The following ISOC1 variants were observed in gnomAD, a reference collection of about 807,000 sequenced individuals.
ISOC1 encodes isochorismatase domain containing 1.
Under a neutral mutation model 30.0 loss-of-function variants are expected in ISOC1, and 33 were observed. The observed-to-expected ratio is 1.10, with a 90% CI of 0.83 to 1.47. The LOEUF is 1.47. Among genes scored for constraint, ISOC1 ranks in the 40% most tolerant of loss-of-function variants. The probability of loss-of-function intolerance (pLI) is 0.00; values close to 1 mark genes in which losing one functional copy is unlikely to be tolerated. For missense variants in ISOC1, 372 were observed against 388.0 expected (o/e 0.96, Z 0.35); for synonymous variants, 178 against 159.8 (o/e 1.11, Z -0.86).
At chr5:129,098,972 C>G (rs924153709) in intron 1 of ISOC1, among the ~76,000 whole-genome samples, 17 of 152,052 alleles carry the variant, frequency 1.1e-4, no homozygotes, top group African/African-American at 3.6e-4. Flanking sequence ...ACCTTTGCCT[C>G]AGGAGCGTGG....
chr5:129,112,864 C>T lies in ISOC1; in HGVS notation c.760C>T (p.Arg254Ter), dbSNP rs751929656. ...DRMFALERLA[R>*]TGIIVTTSEA... is the part of the protein sequence containing the mutation. The stretch of plus-strand genomic sequence containing the variant: ...TATCTTTTTGTTCAAGCGTCTCGCT[C>T]GAACCGGGATCATAGTGACCACGAG... Residue 254 changes from arginine to a stop codon, truncating the protein, a stop_gained, in exon 5 of 5, where the codon CGA becomes TGA. Transcript: ENST00000173527. LOFTEE classifies it high-confidence loss of function. 46 of 1,612,136 alleles carry T rather than the reference C, an allele frequency of 2.9e-5. No individual in the cohort carries two copies. The highest frequency in any genetic ancestry group is 5.4e-5 in the African/African-American group (4 of 74,764).
intron 4 of ISOC1, 148 bp from the exon 5 acceptor site, chr5:129,112,707 A>T: frequency 1.3e-6 from 1 of 741,250 alleles, no homozygotes; most frequent in Non-Finnish European, 2.2e-6. Context: ...CTTGAAATCC[A>T]TCCCCATCAC....
Position 129,094,899 on chromosome 5 carries a change from G to C in ISOC1, c.133G>C (p.Ala45Pro). The change falls in exon 1 of 5, where the codon GCG becomes CCG. Residue 45 changes from alanine (A) to proline (P), a missense_variant. Transcript: ENST00000173527. The stretch of plus-strand genomic sequence containing the variant: ...GCGACCCTCGTCGGTGCCACACGGG[G>C]CGGGCTACGAGCTGCTCATCCAGAA... ...FARPSSVPHG[A>P]GYELLIQKFL... 6.2e-7 allele frequency: 1 copy of C among 1,610,882 alleles called. No individual in the cohort carries two copies. The highest frequency in any genetic ancestry group is 8.5e-7 in the Non-Finnish European group (1 of 1,179,440).
In ISOC1 at chr5:129,104,715, TATATC is replaced by T. The variant is rs72034513; in HGVS notation, c.310-235_310-231del. ...GTCATGTGAATGTGTTAAAATGTGT[TATATC>T]ATATCTGTATTGTTGGCTGGTTCAT... On this transcript the variant is annotated intron_variant, in intron 1 of 4. Coordinates refer to ENST00000173527, the MANE Select transcript of ISOC1 (RefSeq NM_016048.2). Among the ~76,000 whole-genome samples, 756 of 152,244 alleles carry T rather than the reference TATATC, an allele frequency of 5.0e-3. 4 individuals carry two copies. The highest frequency in any genetic ancestry group is 0.015 in the African/African-American group (630 of 41,562).
chr5:129,112,104 TATA>T (rs1337477139), intron 4 of ISOC1, among the ~76,000 whole-genome samples: 1 of 152,208 alleles, frequency 6.6e-6, no homozygotes, highest in Non-Finnish European at 1.5e-5. Flanking sequence ...TTTTAATTCT[TATA>T]GTAGTTTTAA....
chr5:129,097,960 C>G (rs536529863), intron 1 of ISOC1, among the ~76,000 whole-genome samples: 28 of 152,078 alleles, frequency 1.8e-4, no homozygotes, highest in African/African-American at 6.7e-4. Flanking sequence ...GATGGTTGGC[C>G]CCTTCTTGAA....
intron 3 of ISOC1, among the ~76,000 whole-genome samples, chr5:129,106,584 A>G (rs941715354): frequency 6.6e-6 from 1 of 152,228 alleles, no homozygotes; most frequent in African/African-American, 2.4e-5. Flanking sequence ...AGGGTGAATG[A>G]AGAAAAAAAC....
intron 1 of ISOC1, chr5:129,097,821 TGG>T (rs1561420914): frequency 2.6e-5 from 4 of 153,328 alleles, no homozygotes; most frequent in Non-Finnish European, 4.4e-5. Flanking sequence ...TTGAGCAGTC[TGG>T]AAAACAAGTC....
chr5:129,099,140 C>T (rs1376479979), intron 1 of ISOC1, among the ~76,000 whole-genome samples: 9 of 152,010 alleles, frequency 5.9e-5, no homozygotes, highest in African/African-American at 2.2e-4. Context: ...TTTGCTCCTT[C>T]TGAATACATT....
chr5:129,095,037 G>A lies in ISOC1; in HGVS notation c.271G>A (p.Glu91Lys), dbSNP rs1172896595. ...VDLPKGFAVSERCKVRLVPLQ... is the reference protein window; with the variant it reads ...VDLPKGFAVSKRCKVRLVPLQ... ...CTTGCCCAAGGGCTTCGCGGTGAGC[G>A]AGCGCTGCAAGGTGCGCCTCGTGCC... Residue 91 changes from glutamate to lysine, a missense_variant, in exon 1 of 5, where the codon GAG becomes AAG. Physicochemically the swap from Glu to Lys is moderately conservative, Grantham distance 56 (BLOSUM62 1). Transcript: ENST00000173527. The A allele has an allele frequency of 3.8e-6, 6 of 1,595,568 alleles. No individual in the cohort carries two copies. The highest frequency in any genetic ancestry group is 4.3e-6 in the Non-Finnish European group (5 of 1,174,176).
rs1395046305 is a variant in ISOC1, at chr5:129,105,263, G to T, written c.508G>T (p.Glu170Ter). ...YPKGLGSTVQ[E>*]IDLTGVKLVL... ...TAAAGGTCTTGGGAGCACGGTTCAA[G>T]AAATTGATTTAACAGGTGTAAAACT... Residue 170 changes from glutamate (E) to a stop codon, truncating the protein, a stop_gained, in exon 3 of 5, where the codon GAA becomes TAA. Coordinates refer to ENST00000173527, the MANE Select transcript of ISOC1 (RefSeq NM_016048.2). LOFTEE classifies it high-confidence loss of function. The T allele has an allele frequency of 1.2e-6, 2 of 1,613,732 alleles. No homozygotes were observed. Among genetic ancestry groups the T allele is most frequent in the African/African-American group, 1.3e-5 (1 of 74,876 alleles).
chr5:129,103,692 G>T (rs111316601), intron 1 of ISOC1, among the ~76,000 whole-genome samples: 1,537 of 152,256 alleles, frequency 0.01, 34 homozygotes, highest in African/African-American at 0.035. Flanking sequence ...GTCAACCCCT[G>T]CAGAGATACT....
intron 1 of ISOC1, among the ~76,000 whole-genome samples, chr5:129,096,960 G>T (rs1264762027): frequency 1.3e-5 from 2 of 152,116 alleles, no homozygotes; most frequent in African/African-American, 2.4e-5. Context: ...TGAAATGTAT[G>T]TACCTGAAAA....
At chr5:129,112,745 C>G in intron 4 of ISOC1, 110 bp from the exon 5 acceptor site, 3 of 1,210,056 alleles carry the variant, frequency 2.5e-6, no homozygotes, top group South Asian at 3.1e-5. Context: ...CTGGGAACCA[C>G]GGTTTCAGTA....
chr5:129,106,628 C>A (rs2097406149), intron 3 of ISOC1, among the ~76,000 whole-genome samples: 2 of 152,168 alleles, frequency 1.3e-5, no homozygotes, highest in Non-Finnish European at 2.9e-5. Context: ...GCTAGTAAAT[C>A]AGCTATGTGA....
intron 4 of ISOC1, 21 bp from the exon 5 acceptor site, chr5:129,112,834 G>A: frequency 6.2e-7 from 1 of 1,607,314 alleles, no homozygotes; most frequent in Admixed American, 1.7e-5. Context: ...TTCTTGATTT[G>A]CCTTTATCTT....
chr5:129,103,303 G>A (rs1214975868), intron 1 of ISOC1, among the ~76,000 whole-genome samples: 1 of 152,156 alleles, frequency 6.6e-6, no homozygotes, highest in Non-Finnish European at 1.5e-5. Context: ...TAAGATCCTA[G>A]TCACTGCTTT....
chr5:129,095,182 C>A, intron 1 of ISOC1, 107 bp downstream of exon 1: 1 of 1,149,848 alleles, frequency 8.7e-7, no homozygotes, highest in Non-Finnish European at 1.2e-6. Flanking sequence ...CCGCCCGGGA[C>A]CCGGGCCCTG....
At position 129,095,030 on chromosome 5, in the gene ISOC1, G is replaced by T; in HGVS notation, c.264G>T (p.Ala88=). 1 of 1,597,950 alleles carries T rather than the reference G, an allele frequency of 6.3e-7. No individual in the cohort carries two copies. Among genetic ancestry groups the T allele is most frequent in the Non-Finnish European group, 8.5e-7 (1 of 1,174,946 alleles). The change falls in exon 1 of 5, where the codon GCG becomes GCT. Residue 88 remains alanine (A), a synonymous_variant. Coordinates refer to ENST00000173527, the MANE Select transcript of ISOC1 (RefSeq NM_016048.2). ...GQYVDLPKGF[A]VSERCKVRLV... ...ACGTGGACTTGCCCAAGGGCTTCGC[G>T]GTGAGCGAGCGCTGCAAGGTGCGCC...
Sources: allele counts gnomAD v4.1 joint callset (sites outside exome capture counted in the v4.1 genomes callset), GRCh38; gene constraint gnomAD v4.1.1; transcripts MANE v1.5; gene names NCBI Gene and HGNC (gene_info 2026-07-23, HGNC 2026-07-21).